The following MYO5A variants were observed in gnomAD, a reference collection of about 807,000 sequenced individuals.
MYO5A encodes the protein unconventional myosin-Va.
MYO5A carries 98 observed loss-of-function variants against 249.7 expected under a neutral mutation model. That is an observed-to-expected ratio of 0.39 (90% CI 0.33 to 0.46). The LOEUF is 0.46. MYO5A is among the 20% of genes least tolerant of loss of function. MYO5A has a pLI of 0.98. For synonymous variants in MYO5A, 778 were observed against 810.6 expected, an observed-to-expected ratio of 0.96 and a Z score of 0.68; for missense variants, 1,696 against 2,308.8, an observed-to-expected ratio of 0.73 and a Z score of 5.44.
chr15:52,448,957 C>CTTTTTTTTTTTT lies in MYO5A; in HGVS notation c.28-15684_28-15673dup, dbSNP rs145765339. ...TTTTTTTTTTTCTTTTCTTGTCTTT[C>CTTTTTTTTTTTT]TTTTTTTTTTTTTTTTTTTTTTTTT... On this transcript the variant is annotated intron_variant, in intron 1 of 41. Transcript: ENST00000399233. Among the ~76,000 whole-genome samples the CTTTTTTTTTTTT allele has an allele frequency of 2.9e-4, 16 of 55,598 alleles. 2 individuals carry two copies. The highest frequency in any genetic ancestry group is 6.8e-4 in the African/African-American group (8 of 11,798). The allele number at this position is 55,598 out of a possible 152,430, so 36.5% of individuals were successfully genotyped here. A position where few individuals can be genotyped will look rare whatever the true frequency, so the allele number is the denominator to read the frequency against.
chr15:52,449,513 C>T (rs976783078), intron 1 of MYO5A, among the ~76,000 whole-genome samples: 1 of 152,196 alleles, frequency 6.6e-6, no homozygotes, highest in Non-Finnish European at 1.5e-5. Context: ...TAAGGGCTCA[C>T]CTTTCAGCAG....
intron 11 of MYO5A, among the ~76,000 whole-genome samples, chr15:52,395,529 A>C (rs1405183): frequency 0.22 from 33,217 of 151,884 alleles, 4,862 homozygotes; most frequent in East Asian, 0.57. Context: ...AATCACTCCC[A>C]CTCTTGCACT....
chr15:52,366,928 T>C, intron 23 of MYO5A, 103 bp downstream of exon 23: 1 of 1,032,888 alleles, frequency 9.7e-7, no homozygotes, highest in Non-Finnish European at 1.5e-6. Flanking sequence ...CTTTTAAAAA[T>C]ATTTAAATTC....
chr15:52,373,519 C>A (rs2041238841), intron 20 of MYO5A, among the ~76,000 whole-genome samples: 1 of 134,582 alleles, frequency 7.4e-6, no homozygotes, highest in Non-Finnish European at 1.5e-5. Context: ...CTCTTTAAGA[C>A]CCCCCCACTC....
chr15:52,514,729 A>G (rs1749168398), intron 1 of MYO5A, among the ~76,000 whole-genome samples: 1 of 152,170 alleles, frequency 6.6e-6, no homozygotes, highest in Non-Finnish European at 1.5e-5. Flanking sequence ...CCTGTCACAG[A>G]CCTACTGAGT....
At chr15:52,375,013 C>T (rs547250414) in intron 20 of MYO5A, among the ~76,000 whole-genome samples, 3 of 152,178 alleles carry the variant, frequency 2.0e-5, no homozygotes, top group Admixed American at 1.3e-4. Flanking sequence ...TGCACAATGG[C>T]TCATACCTAT....
intron 35 of MYO5A, among the ~76,000 whole-genome samples, chr15:52,330,043 T>G (rs1174631727): frequency 6.6e-6 from 1 of 151,680 alleles, no homozygotes; most frequent in African/African-American, 2.4e-5. Flanking sequence ...CTAGAGATTT[T>G]GATTTAACTG....
rs1004466186 is a variant in MYO5A, at chr15:52,321,356, T to C, written c.4951+3A>G. On this transcript the variant is annotated splice_donor_region_variant and intron_variant, in intron 38 of 41. Coordinates refer to ENST00000399233, the MANE Select transcript of MYO5A (RefSeq NM_001382347.1). ...GCAATGCCCAGTGGGGCCCTGGCCT[T>C]ACCAATCATTGGCTGAAGGATGTTC... 1 of 1,614,170 alleles carries C rather than the reference T, an allele frequency of 6.2e-7. No individual in the cohort carries two copies.
intron 1 of MYO5A, among the ~76,000 whole-genome samples, chr15:52,513,184 A>C (rs181320449): frequency 6.6e-6 from 1 of 151,868 alleles, no homozygotes; most frequent in South Asian, 2.1e-4. Flanking sequence ...TAATCCCAGC[A>C]CTTTGGGAGG....
At chr15:52,317,815 A>G (rs1465481997) in intron 39 of MYO5A, among the ~76,000 whole-genome samples, 20 of 152,240 alleles carry the variant, frequency 1.3e-4, no homozygotes, top group Admixed American at 7.9e-4. Context: ...GGTGACAGAG[A>G]CAAACTACAA....
chr15:52,463,377 T>G (rs2076291432), intron 1 of MYO5A, among the ~76,000 whole-genome samples: 1 of 152,164 alleles, frequency 6.6e-6, no homozygotes, highest in Admixed American at 6.5e-5. Flanking sequence ...TCAGTTATAT[T>G]AAAAAACGTC....
intron 1 of MYO5A, among the ~76,000 whole-genome samples, chr15:52,478,442 C>G (rs1281210455): frequency 6.6e-6 from 1 of 152,102 alleles, no homozygotes; most frequent in Non-Finnish European, 1.5e-5. Context: ...CCGACAAGCC[C>G]CAGTGAGATG....
intron 1 of MYO5A, among the ~76,000 whole-genome samples, chr15:52,476,595 CA>C (rs1375143055): frequency 5.9e-5 from 9 of 152,254 alleles, no homozygotes; most frequent in Admixed American, 2.6e-4. Context: ...CTGGTGGTGA[CA>C]AAATCTCTCA....
intron 23 of MYO5A, among the ~76,000 whole-genome samples, chr15:52,365,185 A>G (rs1220618277): frequency 1.3e-5 from 2 of 152,122 alleles, no homozygotes; most frequent in Admixed American, 1.3e-4. Context: ...TTAATTTACC[A>G]TCTCACAGTT....
intron 1 of MYO5A, among the ~76,000 whole-genome samples, chr15:52,511,988 C>A (rs182374877): frequency 0.034 from 5,115 of 151,900 alleles, 267 homozygotes; most frequent in African/African-American, 0.12. Flanking sequence ...ACGGTGAAAC[C>A]CCGCCTCTAC....
rs549902669 is a variant in MYO5A, at chr15:52,320,306, T to C, written c.4952-964A>G. Among the ~76,000 whole-genome samples the C allele has an allele frequency of 3.3e-5, 5 of 152,322 alleles. No homozygotes were observed. In the South Asian group the frequency reaches 6.2e-4, roughly 19 times the overall value. On this transcript the variant is annotated intron_variant, in intron 38 of 41. Coordinates refer to ENST00000399233, the MANE Select transcript of MYO5A (RefSeq NM_001382347.1). ...AGGCCACGTCTGGTTCATCTTGCTATTTAATTGTGCTAAACACAGATTCCC... is the reference window on the plus strand; with the variant it reads ...AGGCCACGTCTGGTTCATCTTGCTACTTAATTGTGCTAAACACAGATTCCC...
At chr15:52,445,657 T>G (rs896148024) in intron 1 of MYO5A, among the ~76,000 whole-genome samples, 2 of 152,192 alleles carry the variant, frequency 1.3e-5, no homozygotes, top group African/African-American at 4.8e-5. Context: ...AAAATGCTGA[T>G]AGTGATCCAG....
At position 52,384,193 on chromosome 15, in the gene MYO5A, C is replaced by T. The variant is rs1355064311; in HGVS notation, c.1882G>A (p.Ala628Thr). 1.2e-6 allele frequency: 2 copies of T among 1,614,144 alleles called. No individual in the cohort carries two copies. Among genetic ancestry groups the T allele is most frequent in the African/African-American group, 1.3e-5 (1 of 75,040 alleles). Reference protein sequence around the residue: ...KPTKGRPGQMAKEHKKTVGHQ... With the variant: ...KPTKGRPGQMTKEHKKTVGHQ... ...CCCACTGTTTTCTTGTGCTCTTTGG[C>T]CATTTGGCCTGGTCTGCCTTTGGTG... Residue 628 changes from alanine (A) to threonine (T), a missense_variant, in exon 15 of 42, where the codon GCC (alanine) becomes ACC (threonine). Around this residue, in one of 5 missense-constraint regions of MYO5A, gnomAD observed 277 missense variants for 422.4 expected, o/e 0.66. Coordinates refer to ENST00000399233, the MANE Select transcript of MYO5A (RefSeq NM_001382347.1).
intron 25 of MYO5A, 56 bp downstream of exon 25, chr15:52,359,912 T>G: frequency 7.9e-7 from 1 of 1,259,706 alleles, no homozygotes; most frequent in African/African-American, 1.5e-5. Flanking sequence ...GAAATGTTCC[T>G]TGTTAACAAC....
Sources: gnomAD v4.1 joint callset for allele counts (sites outside exome capture counted in the v4.1 genomes callset) on GRCh38, gnomAD v4.1.1 for gene constraint, gnomAD v4.1.1 regional missense constraint, MANE v1.5 for transcripts, NCBI Gene and HGNC (gene_info 2026-07-23, HGNC 2026-07-21) for gene names.